The following AGAP1 variants were observed in gnomAD, a reference collection of about 807,000 sequenced individuals.
AGAP1 encodes ArfGAP with GTPase domain, ankyrin repeat and PH domain 1.
Under a neutral mutation model 105.3 loss-of-function variants are expected in AGAP1, and 29 were observed. The ratio of observed to expected loss-of-function variants is 0.28; its 90% CI spans 0.21 to 0.38. AGAP1 has a LOEUF of 0.38. Ranked by LOEUF, AGAP1 falls within the 10% of genes least tolerant of loss-of-function variation. The probability of loss-of-function intolerance (pLI) is 1.00; values close to 1 mark genes in which losing one functional copy is unlikely to be tolerated. For synonymous variants in AGAP1, 509 were observed against 485.9 expected (o/e 1.05, Z -0.63); for missense variants, 998 against 1,165.1 (o/e 0.86, Z 2.09).
At chr2:235,990,340 A>G (rs1009722829) in intron 13 of AGAP1, among the ~76,000 whole-genome samples, 27 of 152,340 alleles carry the variant, frequency 1.8e-4, no homozygotes, top group African/African-American at 6.5e-4. Flanking sequence ...GCTTCCCTGC[A>G]GCCTCTGTGG....
In AGAP1 at chr2:236,032,829, C is replaced by T. The variant is rs574589880; in HGVS notation, c.1646-3732C>T. 1.2e-3 allele frequency among the ~76,000 whole-genome samples: 177 copies of T among 152,120 alleles called. 1 individual carries two copies. Among genetic ancestry groups the T allele is most frequent in the African/African-American group, 4.0e-3 (168 of 41,504 alleles). ...GGACCAGGTAAAGGATGCAGAGAGA[C>T]GGGAGGAAAGGACCAGGAGCTGAAA... On this transcript the variant is annotated intron_variant, in intron 13 of 17. Transcript: ENST00000304032.
chr2:235,646,060 A>T (rs560401131), intron 1 of AGAP1, among the ~76,000 whole-genome samples: 9 of 152,238 alleles, frequency 5.9e-5, no homozygotes, highest in African/African-American at 1.9e-4. Flanking sequence ...GCAGATCATG[A>T]GGTCAGAAGT....
At position 236,105,055 on chromosome 2, in the gene AGAP1, G is replaced by A. The variant is rs2059450190; in HGVS notation, c.2115-15137G>A. ...GGAGAGACACTGTCCTGGCTGCTGG[G>A]TGGGAAGATAAAGCTGAGTTCCTTC... On this transcript the variant is annotated intron_variant, in intron 16 of 17. Coordinates refer to ENST00000304032, the MANE Select transcript of AGAP1 (RefSeq NM_001037131.3). This position sits in a 1 kb window ranked among gnomAD's most constrained non-coding sequence, Gnocchi z 4.2. Among the ~76,000 whole-genome samples, 1 of 152,014 alleles carries A rather than the reference G, an allele frequency of 6.6e-6. No individual in the cohort carries two copies. Among genetic ancestry groups the A allele is most frequent in the Non-Finnish European group, 1.5e-5 (1 of 68,018 alleles).
Position 235,973,112 on chromosome 2 carries a change from CTG to C in AGAP1, c.1645+4493_1645+4494del, listed in dbSNP as rs1301263153. On this transcript the variant is annotated intron_variant, in intron 13 of 17. Coordinates refer to ENST00000304032, the MANE Select transcript of AGAP1 (RefSeq NM_001037131.3). This position sits in a 1 kb window ranked among gnomAD's most constrained non-coding sequence, Gnocchi z 4.7. ...ACCTGCTGCTGCAAACCCAGAAACA[CTG>C]TGTCTACACGGGGCTGTCAGGGTGA... is the stretch of plus-strand genomic sequence containing the variant. Among the ~76,000 whole-genome samples the C allele has an allele frequency of 1.3e-5, 2 of 152,206 alleles. No individual in the cohort carries two copies. Among genetic ancestry groups the C allele is most frequent in the Non-Finnish European group, 2.9e-5 (2 of 68,036 alleles).
rs1456766387 is a variant in AGAP1 at position 235,503,702 on chromosome 2, C to T, written c.163+8853C>T. On this transcript the variant is annotated intron_variant, in intron 1 of 17. Coordinates refer to ENST00000304032, the MANE Select transcript of AGAP1 (RefSeq NM_001037131.3). ...CCTCAACCTCCCAGACTCAAGTAAT[C>T]CTCCCACCTCAGCCCCCGCCAAGTA... 2.0e-5 allele frequency among the ~76,000 whole-genome samples: 3 copies of T among 152,196 alleles called. No individual in the cohort carries two copies. In the South Asian group the frequency reaches 6.2e-4, roughly 32 times the overall value.
intron 17 of AGAP1, among the ~76,000 whole-genome samples, chr2:236,122,615 A>G (rs2059925761): frequency 6.6e-6 from 1 of 151,992 alleles, no homozygotes; most frequent in Admixed American, 6.6e-5. Context: ...CTAATAATCA[A>G]TCACAGATCC....
intron 13 of AGAP1, among the ~76,000 whole-genome samples, chr2:235,986,822 CGACTTGATCATGGTG>C (rs1353021783): frequency 6.6e-6 from 1 of 152,200 alleles, no homozygotes; most frequent in East Asian, 1.9e-4. Flanking sequence ...GGGATGAAGC[CGACTTGATCATGGTG>C]GATAAGTGTT....
At position 236,096,819 on chromosome 2, in the gene AGAP1, A is replaced by G. The variant is rs1445827008; in HGVS notation, c.2115-23373A>G. ...GGCTGGTCTCGAGCTCCCAACCTCA[A>G]GTGATTCACCCCGGCCTCCCAAAGT... On this transcript the variant is annotated intron_variant, in intron 16 of 17. Coordinates refer to ENST00000304032, the MANE Select transcript of AGAP1 (RefSeq NM_001037131.3). This position sits in a 1 kb window ranked among gnomAD's most constrained non-coding sequence, Gnocchi z 4.4. Among the ~76,000 whole-genome samples, 1 of 151,946 alleles carries G rather than the reference A, an allele frequency of 6.6e-6. No individual in the cohort carries two copies. The highest frequency in any genetic ancestry group is 1.5e-5 in the Non-Finnish European group (1 of 67,984).
rs551179523 is a variant in AGAP1, at chr2:236,051,627, G to C, written c.2114+2346G>C. On this transcript the variant is annotated intron_variant, in intron 16 of 17. Transcript: ENST00000304032. This position sits in a 1 kb window ranked among gnomAD's most constrained non-coding sequence, Gnocchi z 5.9. Reference sequence around the variant, plus strand: ...AGCCTCCCATGAATGAGGAGGAGCAGGAATGGGGGAGGCCCAAAGAGCAGA... The same window carrying C: ...AGCCTCCCATGAATGAGGAGGAGCACGAATGGGGGAGGCCCAAAGAGCAGA... 1.3e-5 allele frequency among the ~76,000 whole-genome samples: 2 copies of C among 152,190 alleles called. No individual in the cohort carries two copies. The highest frequency in any genetic ancestry group is 4.8e-5 in the African/African-American group (2 of 41,452).
chr2:235,789,814 A>G lies in AGAP1; in HGVS notation c.674-7945A>G, dbSNP rs551238604. 6.6e-6 allele frequency among the ~76,000 whole-genome samples: 1 copy of G among 152,324 alleles called. No homozygotes were observed. Among genetic ancestry groups the G allele is most frequent in the East Asian group, 1.9e-4 (1 of 5,184 alleles). On this transcript the variant is annotated intron_variant, in intron 6 of 17. Coordinates refer to ENST00000304032, the MANE Select transcript of AGAP1 (RefSeq NM_001037131.3). The surrounding 1 kb of genome is among the most constrained non-coding windows in gnomAD (Gnocchi z 4.2). ...ACTCGAGCAGTTGAATCTTGGCCAC[A>G]GCTTCTCATTAGGCTTTCAGTGACA...
rs1038289256 is a variant in AGAP1 at position 235,962,510 on chromosome 2, G to T, written c.1484-5952G>T. On this transcript the variant is annotated intron_variant, in intron 12 of 17. Transcript: ENST00000304032. The surrounding 1 kb of genome is among the most constrained non-coding windows in gnomAD (Gnocchi z 5.3). ...GCATAGAGGAGCCACGGGAGTGAAG[G>T]CCTAGTGAGCTGGGGAGGCAGGGGT... 6.6e-6 allele frequency among the ~76,000 whole-genome samples: 1 copy of T among 152,100 alleles called. No individual in the cohort carries two copies. The highest frequency in any genetic ancestry group is 2.4e-5 in the African/African-American group (1 of 41,414).
rs916144658 is a variant in AGAP1, at chr2:235,845,918, C to T, written c.1051-37427C>T. Among the ~76,000 whole-genome samples, 1 of 152,110 alleles carries T rather than the reference C, an allele frequency of 6.6e-6. No homozygotes were observed. The highest frequency in any genetic ancestry group is 1.5e-5 in the Non-Finnish European group (1 of 68,012). Reference sequence around the variant, plus strand: ...CAGATATGCCCTCCTTCCTGCACCCCCAGAGTGGCCCCTCCACTCACCCTT... The same window carrying T: ...CAGATATGCCCTCCTTCCTGCACCCTCAGAGTGGCCCCTCCACTCACCCTT... On this transcript the variant is annotated intron_variant, in intron 9 of 17. Transcript: ENST00000304032. This position sits in a 1 kb window ranked among gnomAD's most constrained non-coding sequence, Gnocchi z 4.8.
chr2:236,108,164 G>A (rs1187844828), intron 16 of AGAP1, among the ~76,000 whole-genome samples: 1 of 152,212 alleles, frequency 6.6e-6, no homozygotes, highest in Non-Finnish European at 1.5e-5. Flanking sequence ...GCAGCTCAGG[G>A]AGAAGGCATG....
At chr2:235,859,471 G>C (rs2048834721) in intron 9 of AGAP1, among the ~76,000 whole-genome samples, 1 of 134,800 alleles carries the variant, frequency 7.4e-6, no homozygotes, top group African/African-American at 2.7e-5. Context: ...ACACTATTTT[G>C]GATCTGCAGC....
chr2:235,810,173 C>A (rs1018891088), intron 9 of AGAP1, among the ~76,000 whole-genome samples: 2 of 152,168 alleles, frequency 1.3e-5, no homozygotes, highest in East Asian at 3.9e-4. Flanking sequence ...AAAGAAACTT[C>A]TGAGACTGCC....
intron 1 of AGAP1, among the ~76,000 whole-genome samples, chr2:235,581,677 A>G (rs1181955914): frequency 1.3e-5 from 2 of 151,336 alleles, no homozygotes; most frequent in African/African-American, 4.9e-5. Flanking sequence ...GTAGTGGTGC[A>G]TGCCTGTAAT....
intron 11 of AGAP1, among the ~76,000 whole-genome samples, chr2:235,929,647 C>T (rs1016526721): frequency 7.9e-5 from 12 of 152,178 alleles, no homozygotes; most frequent in East Asian, 7.7e-4. Context: ...GCAGTGAGGC[C>T]GCTTGTTTGA....
intron 1 of AGAP1, among the ~76,000 whole-genome samples, chr2:235,707,794 G>C (rs577871951): frequency 7.3e-5 from 11 of 150,236 alleles, no homozygotes; most frequent in Admixed American, 6.6e-4. Context: ...CCCAGCGTGT[G>C]ACCTGGTGGG....
rs1031948857 is a variant in AGAP1, at chr2:235,993,838, G to C, written c.1645+25215G>C. ...TCCTCACGTGCGCTTGGAGAAAGTG[G>C]AGTTTTAATTACTTACCCAGCAACA... is the stretch of plus-strand genomic sequence containing the variant. On this transcript the variant is annotated intron_variant, in intron 13 of 17. Transcript: ENST00000304032. The surrounding 1 kb of genome is among the most constrained non-coding windows in gnomAD (Gnocchi z 5.0). Among the ~76,000 whole-genome samples, 2 of 152,184 alleles carry C rather than the reference G, an allele frequency of 1.3e-5. No homozygotes were observed. The highest frequency in any genetic ancestry group is 2.9e-5 in the Non-Finnish European group (2 of 68,044).
Sources: allele counts gnomAD v4.1 joint callset (sites outside exome capture counted in the v4.1 genomes callset), GRCh38; gene constraint gnomAD v4.1.1; non-coding constraint Gnocchi (gnomAD v3.1); transcripts MANE v1.5; gene names NCBI Gene and HGNC (gene_info 2026-07-23, HGNC 2026-07-21).